The following TACO1 variants were observed in gnomAD, a reference collection of about 807,000 sequenced individuals.
The protein encoded by TACO1 is translational activator of cytochrome c oxidase I.
A neutral mutation model predicts 24.0 loss-of-function variants in TACO1; 13 were observed. The observed-to-expected ratio is 0.54, with a 90% CI of 0.35 to 0.86. The LOEUF (loss-of-function observed/expected upper bound fraction) is 0.86, where lower values mean the gene tolerates loss of function less well. Ranked by LOEUF, TACO1 falls within the 40% of genes least tolerant of loss-of-function variation. The pLI, the probability that TACO1 is intolerant of heterozygous loss-of-function variation, is 0.01. For synonymous variants in TACO1, 149 were observed against 153.5 expected, an observed-to-expected ratio of 0.97 and a Z score of 0.22; for missense variants, 352 against 380.1, an observed-to-expected ratio of 0.93 and a Z score of 0.61.
At position 63,601,083 on chromosome 17, in the gene TACO1, G is replaced by A; in HGVS notation, c.-1G>A. The A allele has an allele frequency of 6.5e-7, 1 of 1,540,802 alleles. No individual in the cohort carries two copies. The highest frequency in any genetic ancestry group is 2.4e-5 in the East Asian group (1 of 40,864). ...CAGCTTGAACCCCAGGGTCGGGACC[G>A]ATGTCGGCTTGGGCTGCTGCCAGCC... On this transcript the variant is annotated 5_prime_UTR_variant, in exon 1 of 5. Transcript: ENST00000258975.
chr17:63,601,161 G>C lies in TACO1; in HGVS notation c.78G>C (p.Ala26=), dbSNP rs748106101. ...CLLARGPGVR[A]APPRDPRPSH... ...TGGCACGAGGCCCCGGGGTCAGGGCGGCTCCTCCGCGCGACCCCCGGCCCT... is the reference window on the plus strand; with the variant it reads ...TGGCACGAGGCCCCGGGGTCAGGGCCGCTCCTCCGCGCGACCCCCGGCCCT... The change falls in exon 1 of 5, where the codon GCG becomes GCC. Residue 26 remains alanine (A), a synonymous_variant. Coordinates refer to ENST00000258975, the MANE Select transcript of TACO1 (RefSeq NM_016360.4). The C allele has an allele frequency of 3.9e-6, 6 of 1,545,160 alleles. No homozygotes were observed. The highest frequency in any genetic ancestry group is 1.7e-6 in the Non-Finnish European group (2 of 1,145,696).
chr17:63,601,436 G>C, intron 1 of TACO1, 73 bp downstream of exon 1: 3 of 1,536,898 alleles, frequency 2.0e-6, no homozygotes, highest in East Asian at 4.6e-5. Flanking sequence ...TTGCCTCTCG[G>C]AATTGGGCCC....
rs1368332352 is a variant in TACO1, at chr17:63,608,048, C to G, written c.*46C>G. ...GGTTCCTTCCTAGAAATGTGGCAGC[C>G]CATTCCAGCACACAGGCTTCTGCAG... On this transcript the variant is annotated 3_prime_UTR_variant, in exon 5 of 5. Transcript: ENST00000258975. The G allele has an allele frequency of 6.3e-7, 1 of 1,599,552 alleles. No individual in the cohort carries two copies. Among genetic ancestry groups the G allele is most frequent in the Non-Finnish European group, 8.6e-7 (1 of 1,169,474 alleles).
At position 63,608,285 on chromosome 17, in the gene TACO1, C is replaced by T; in HGVS notation, c.*283C>T. The T allele has an allele frequency of 2.0e-6, 1 of 488,056 alleles. No homozygotes were observed. The highest frequency in any genetic ancestry group is 2.0e-5 in the South Asian group (1 of 49,540). The allele number at this position is 488,056 out of a possible 1,614,324, so 30.2% of individuals were successfully genotyped here. A position where few individuals can be genotyped will look rare whatever the true frequency, so the allele number is the denominator to read the frequency against. ...CAGACTCTGATGTTGGGTAGCTGGC[C>T]TCTGTGGGGATTGTAAGTGCCCTGA... On this transcript the variant is annotated 3_prime_UTR_variant, in exon 5 of 5. Coordinates refer to ENST00000258975, the MANE Select transcript of TACO1 (RefSeq NM_016360.4).
At position 63,601,296 on chromosome 17, in the gene TACO1, T is replaced by G; in HGVS notation, c.213T>G (p.Gly71=). 6.2e-7 allele frequency: 1 copy of G among 1,612,890 alleles called. No homozygotes were observed. Among genetic ancestry groups the G allele is most frequent in the South Asian group, 1.1e-5 (1 of 90,984 alleles). Residue 71 remains glycine (G), a synonymous_variant, in exon 1 of 5, where the codon GGT becomes GGG. Transcript: ENST00000258975. ...NKWSKVRHIK[G]PKDVERSRIF... ...GGTCCAAAGTCAGGCACATCAAGGG[T>G]CCGAAGGACGTCGAAAGGAGTCGCA... is the stretch of plus-strand genomic sequence containing the variant.
At chr17:63,604,371 C>T (rs955209817) in intron 1 of TACO1, among the ~76,000 whole-genome samples, 163 bp from the exon 2 acceptor site, 4 of 152,096 alleles carry the variant, frequency 2.6e-5, no homozygotes, top group African/African-American at 7.2e-5. Context: ...AATACTTCTC[C>T]GTATCCCACT....
At chr17:63,606,658 G>C (rs898426663) in intron 3 of TACO1, 27 of 564,836 alleles carry the variant, frequency 4.8e-5, no homozygotes, top group African/African-American at 4.4e-4. Flanking sequence ...TGATTCTCCT[G>C]CCTCAGCCTC....
rs1362040937 is a variant in TACO1, at chr17:63,608,105, C to T, written c.*103C>T. 1.9e-5 allele frequency: 26 copies of T among 1,342,254 alleles called. No homozygotes were observed. The highest frequency in any genetic ancestry group is 2.0e-5 in the Non-Finnish European group (19 of 958,966). The allele number at this position is 1,342,254 out of a possible 1,614,324, so 83.1% of individuals were successfully genotyped here. On this transcript the variant is annotated 3_prime_UTR_variant, in exon 5 of 5. Coordinates refer to ENST00000258975, the MANE Select transcript of TACO1 (RefSeq NM_016360.4). The stretch of plus-strand genomic sequence containing the variant: ...CTGAGGGTAAAGCCGGTGGGAGGCT[C>T]AGCAGGCCAGGAGGCCCAAGGACAG...
rs1875817720 is a variant in TACO1, at chr17:63,600,978, C to T, written c.-106C>T. 4.4e-6 allele frequency: 6 copies of T among 1,364,018 alleles called. No individual in the cohort carries two copies. The highest frequency in any genetic ancestry group is 2.0e-6 in the Non-Finnish European group (2 of 997,196). The allele number at this position is 1,364,018 out of a possible 1,614,324, so 84.5% of individuals were successfully genotyped here. ...GCCCAAGCCTTTGGATCTCAGGTGACCGGCACAGGCGGCCGCGGGGTCCGG... is the reference window on the plus strand; with the variant it reads ...GCCCAAGCCTTTGGATCTCAGGTGATCGGCACAGGCGGCCGCGGGGTCCGG... On this transcript the variant is annotated 5_prime_UTR_variant, in exon 1 of 5. Coordinates refer to ENST00000258975, the MANE Select transcript of TACO1 (RefSeq NM_016360.4).
intron 2 of TACO1, 51 bp downstream of exon 2, chr17:63,604,691 A>G (rs756561843): frequency 6.6e-7 from 1 of 1,511,870 alleles, no homozygotes; most frequent in South Asian, 1.1e-5. Flanking sequence ...TACCGGGCTC[A>G]TGTCTGGATG....
intron 1 of TACO1, 70 bp downstream of exon 1, chr17:63,601,433 T>C: frequency 1.9e-6 from 3 of 1,557,356 alleles, no homozygotes; most frequent in Non-Finnish European, 1.7e-6. Context: ...CGCTTGCCTC[T>C]CGGAATTGGG....
At position 63,607,282 on chromosome 17, in the gene TACO1, G is replaced by A. The variant is rs759550723; in HGVS notation, c.516-5G>A. The A allele has an allele frequency of 3.1e-6, 5 of 1,613,224 alleles. No individual in the cohort carries two copies. Among genetic ancestry groups the A allele is most frequent in the Non-Finnish European group, 4.2e-6 (5 of 1,179,904 alleles). ...CTCATGCCAGCCTGTTTCCTTCCCT[G>A]TCAGAGGAGTGATGGCTGTAGGAGC... On this transcript the variant is annotated splice_polypyrimidine_tract_variant and splice_region_variant and intron_variant, in intron 3 of 4. Transcript: ENST00000258975.
At chr17:63,601,654 A>G (rs2033822750) in intron 1 of TACO1, among the ~76,000 whole-genome samples, 1 of 152,200 alleles carries the variant, frequency 6.6e-6, no homozygotes, top group African/African-American at 2.4e-5. Context: ...CTAGCTGGGT[A>G]CTTAATAGAA....
At position 63,608,101 on chromosome 17, in the gene TACO1, G is replaced by A. The variant is rs2033877962; in HGVS notation, c.*99G>A. Reference sequence around the variant, plus strand: ...ATCTCTGAGGGTAAAGCCGGTGGGAGGCTCAGCAGGCCAGGAGGCCCAAGG... The same window carrying A: ...ATCTCTGAGGGTAAAGCCGGTGGGAAGCTCAGCAGGCCAGGAGGCCCAAGG... On this transcript the variant is annotated 3_prime_UTR_variant, in exon 5 of 5. Transcript: ENST00000258975. The A allele has an allele frequency of 8.8e-5, 121 of 1,368,382 alleles. No homozygotes were observed. Among genetic ancestry groups the A allele is most frequent in the Non-Finnish European group, 1.2e-4 (118 of 981,060 alleles). 84.8% of individuals were successfully genotyped at this position (1,368,382 alleles called of 1,614,324 possible).
In TACO1 at chr17:63,608,108, C is replaced by A; in HGVS notation, c.*106C>A. On this transcript the variant is annotated 3_prime_UTR_variant, in exon 5 of 5. Coordinates refer to ENST00000258975, the MANE Select transcript of TACO1 (RefSeq NM_016360.4). ...AGGGTAAAGCCGGTGGGAGGCTCAG[C>A]AGGCCAGGAGGCCCAAGGACAGGAC... 1.5e-6 allele frequency: 2 copies of A among 1,322,438 alleles called. No individual in the cohort carries two copies. Among genetic ancestry groups the A allele is most frequent in the Non-Finnish European group, 2.1e-6 (2 of 941,878 alleles). 81.9% of individuals were successfully genotyped at this position (1,322,438 alleles called of 1,614,324 possible).
At position 63,604,530 on chromosome 17, in the gene TACO1, T is replaced by G; in HGVS notation, c.281-4T>G. On this transcript the variant is annotated splice_polypyrimidine_tract_variant and splice_region_variant and intron_variant, in intron 1 of 4. Transcript: ENST00000258975. ...TCTTTTTTTTCTTTTTCTTTAAATC[T>G]CAGAAGGAGGCCCCAACCCTGAGCA... 1 of 1,613,478 alleles carries G rather than the reference T, an allele frequency of 6.2e-7. No homozygotes were observed. Among genetic ancestry groups the G allele is most frequent in the Non-Finnish European group, 8.5e-7 (1 of 1,179,496 alleles).
At position 63,604,546 on chromosome 17, in the gene TACO1, A is replaced by G. The variant is rs979529021; in HGVS notation, c.293A>G (p.Asn98Ser). 4 of 1,613,908 alleles carry G rather than the reference A, an allele frequency of 2.5e-6. No homozygotes were observed. Among genetic ancestry groups the G allele is most frequent in the Non-Finnish European group, 3.4e-6 (4 of 1,179,992 alleles). Residue 98 changes from asparagine (N) to serine (S), a missense_variant, in exon 2 of 5, where the codon AAC becomes AGC. Coordinates refer to ENST00000258975, the MANE Select transcript of TACO1 (RefSeq NM_016360.4). ...IRLAVKEGGP[N>S]PEHNSNLANI... Reference sequence around the variant, plus strand: ...CTTTAAATCTCAGAAGGAGGCCCCAACCCTGAGCACAACAGCAACCTGGCC... The same window carrying G: ...CTTTAAATCTCAGAAGGAGGCCCCAGCCCTGAGCACAACAGCAACCTGGCC...
At chr17:63,606,237 C>T (rs540571276) in intron 2 of TACO1, 76 bp from the exon 3 acceptor site, 81 of 1,584,672 alleles carry the variant, frequency 5.1e-5, no homozygotes, top group African/African-American at 3.0e-4. Context: ...GTTAGTTTTG[C>T]GATACTTGTA....
Position 63,601,357 on chromosome 17 carries a change from G to A in TACO1, c.274G>A (p.Val92Met). Residue 92 changes from valine (V) to methionine (M), a missense_variant, in exon 1 of 5, where the codon GTG becomes ATG. Val to Met is a conservative substitution (Grantham distance 21). Transcript: ENST00000258975. The stretch of plus-strand genomic sequence containing the variant: ...ACTCTGTTTGAACATCCGCCTGGCA[G>A]TGAAAGGTGAGACCCTGACGGTCAC... ...SKLCLNIRLAVKEGGPNPEHN... is the reference protein window; with the variant it reads ...SKLCLNIRLAMKEGGPNPEHN... The A allele has an allele frequency of 3.1e-6, 5 of 1,612,430 alleles. No individual in the cohort carries two copies. Among genetic ancestry groups the A allele is most frequent in the Non-Finnish European group, 3.4e-6 (4 of 1,179,924 alleles).
Sources: allele counts gnomAD v4.1 joint callset (sites outside exome capture counted in the v4.1 genomes callset), GRCh38; gene constraint gnomAD v4.1.1; transcripts MANE v1.5; gene names NCBI Gene and HGNC (gene_info 2026-07-23, HGNC 2026-07-21).